The following E2F3 variants were observed in gnomAD, a reference collection of about 807,000 sequenced individuals.
The protein encoded by E2F3 is E2F transcription factor 3, also known as transcription factor E2F3.
In E2F3, 11 loss-of-function variants were observed where a neutral mutation model predicts 44.4. The ratio of observed to expected loss-of-function variants is 0.25; its 90% confidence interval spans 0.16 to 0.41. The LOEUF (loss-of-function observed/expected upper bound fraction) is 0.41. Among genes scored for constraint, E2F3 ranks in the 10% least tolerant of loss-of-function variants. The probability of loss-of-function intolerance (pLI) is 1.00; values close to 1 mark genes in which losing one functional copy is unlikely to be tolerated. For synonymous variants in E2F3, 249 were observed against 253.0 expected (o/e 0.98, Z 0.15); for missense variants, 487 against 583.6 (o/e 0.83, Z 1.70).
intron 1 of E2F3, among the ~76,000 whole-genome samples, chr6:20,437,613 C>CT (rs1760633785): frequency 6.6e-6 from 1 of 151,838 alleles, no homozygotes; most frequent in Non-Finnish European, 1.5e-5. Flanking sequence ...TGGTAAAATG[C>CT]ATTTTAGAAC....
intron 3 of E2F3, among the ~76,000 whole-genome samples, 163 bp from the exon 4 acceptor site, chr6:20,482,599 A>AAAATATAT (rs1177675969): frequency 2.2e-5 from 3 of 134,488 alleles, no homozygotes; most frequent in Non-Finnish European, 4.9e-5. Context: ...TGAAAAAAAA[A>AAAATATAT]ATATATATAT....
intron 1 of E2F3, among the ~76,000 whole-genome samples, chr6:20,468,773 C>G (rs1284006841): frequency 6.6e-6 from 1 of 152,130 alleles, no homozygotes; most frequent in African/African-American, 2.4e-5. Flanking sequence ...CAAAAAGATA[C>G]TTCATCTTCT....
intron 1 of E2F3, among the ~76,000 whole-genome samples, chr6:20,457,322 A>G (rs564284288): frequency 6.8e-6 from 1 of 146,464 alleles, no homozygotes; most frequent in South Asian, 2.2e-4. Flanking sequence ...TTACAAAAGC[A>G]CACCATCATC....
intron 4 of E2F3, among the ~76,000 whole-genome samples, chr6:20,484,977 C>T (rs970677707): frequency 3.7e-4 from 56 of 150,040 alleles, no homozygotes; most frequent in Non-Finnish European, 6.5e-4. Flanking sequence ...AAAGAAGCTA[C>T]TATCGTAAGG....
chr6:20,428,488 G>A (rs1561856116), intron 1 of E2F3, among the ~76,000 whole-genome samples: 1 of 152,172 alleles, frequency 6.6e-6, no homozygotes, highest in East Asian at 1.9e-4. Context: ...CTCCCAAAGT[G>A]CTGGGATTAC....
intron 1 of E2F3, among the ~76,000 whole-genome samples, chr6:20,461,685 T>C (rs1377605126): frequency 2.0e-5 from 3 of 152,220 alleles, no homozygotes; most frequent in Non-Finnish European, 4.4e-5. Context: ...TTTTTGTTTG[T>C]TTTTTACTCA....
intron 4 of E2F3, among the ~76,000 whole-genome samples, chr6:20,485,014 G>GC (rs869133605): frequency 1.3e-5 from 2 of 149,782 alleles, no homozygotes; most frequent in South Asian, 2.1e-4. Flanking sequence ...GGGTCTCTAA[G>GC]CCCCCCCTTT....
chr6:20,402,281 G>C lies in E2F3; in HGVS notation c.49G>C (p.Gly17Arg). ...PALEQYLVTAGGGEGAAVVAA... is the reference protein window; with the variant it reads ...PALEQYLVTARGGEGAAVVAA... The stretch of plus-strand genomic sequence containing the variant: ...TCTGGAGCAGTACCTGGTGACCGCC[G>C]GGGGTGGGGAGGGGGCGGCTGTCGT... The change falls in exon 1 of 7, where the codon GGG becomes CGG. Residue 17 changes from glycine to arginine, a missense_variant. This residue lies in a region of E2F3 where 238 missense variants were observed against 236.0 expected (regional missense o/e 1.01). Transcript: ENST00000346618. The surrounding 1 kb of genome is among the most constrained non-coding windows in gnomAD (Gnocchi z 5.6). The C allele has an allele frequency of 6.2e-7, 1 of 1,608,618 alleles. No individual in the cohort carries two copies. Among genetic ancestry groups the C allele is most frequent in the Non-Finnish European group, 8.5e-7 (1 of 1,178,678 alleles).
intron 1 of E2F3, among the ~76,000 whole-genome samples, chr6:20,436,543 C>A (rs867261960): frequency 6.6e-6 from 1 of 152,022 alleles, no homozygotes; most frequent in Non-Finnish European, 1.5e-5. Context: ...TGTTGGGATG[C>A]ATTCAAAGCT....
At position 20,479,911 on chromosome 6, in the gene E2F3, C is replaced by T. The variant is rs201499717; in HGVS notation, c.459C>T (p.Pro153=). The change falls in exon 2 of 7, where the codon CCC becomes CCT. Residue 153 remains proline (P), a synonymous_variant. Coordinates refer to ENST00000346618, the MANE Select transcript of E2F3 (RefSeq NM_001949.5). The part of the protein sequence containing the change: ...HQYLSDGLKT[P]KGKGRAALRS... ...ACCTCTCAGATGGTTTAAAAACCCC[C>T]AAGGGCAAAGGAAGAGCTGCACTAC... The T allele has an allele frequency of 1.9e-6, 3 of 1,612,870 alleles. No individual in the cohort carries two copies. The highest frequency in any genetic ancestry group is 4.5e-5 in the East Asian group (2 of 44,874).
intron 1 of E2F3, among the ~76,000 whole-genome samples, chr6:20,453,484 G>A (rs1013845365): frequency 7.2e-5 from 11 of 151,990 alleles, no homozygotes; most frequent in African/African-American, 2.4e-4. Context: ...GTGCAGTGAC[G>A]GCTCACTGCA....
intron 1 of E2F3, among the ~76,000 whole-genome samples, chr6:20,429,038 G>A (rs1760309611): frequency 6.6e-6 from 1 of 152,150 alleles, no homozygotes; most frequent in Non-Finnish European, 1.5e-5. Context: ...AACTGGGAGT[G>A]GGAGATGCTA....
At chr6:20,415,549 C>T (rs1443748651) in intron 1 of E2F3, among the ~76,000 whole-genome samples, 1 of 152,112 alleles carries the variant, frequency 6.6e-6, no homozygotes, top group Non-Finnish European at 1.5e-5. Flanking sequence ...CAAATGTCCC[C>T]GGGAAGCAAA....
rs749381101 is a variant in E2F3, at chr6:20,492,202, G to A, written c.*1772G>A. 3 of 229,386 alleles carry A rather than the reference G, an allele frequency of 1.3e-5. No homozygotes were observed. The East Asian group carries it at 1.9e-4, about 14-fold the overall frequency. 14.2% of individuals were successfully genotyped at this position (229,386 alleles called of 1,614,324 possible). On this transcript the variant is annotated 3_prime_UTR_variant, in exon 7 of 7. Transcript: ENST00000346618. ...AAGAGCCCCAGCCAGTTTACTCCAG[G>A]TAGATTTCCACAATATGCAAAGTGG...
intron 4 of E2F3, 71 bp from the exon 5 acceptor site, chr6:20,486,618 C>A (rs1220968420): frequency 2.4e-6 from 2 of 836,990 alleles, no homozygotes; most frequent in African/African-American, 1.7e-5. Flanking sequence ...ATATTCCATG[C>A]ATCTATTTTG....
chr6:20,408,539 A>G (rs1413097335), intron 1 of E2F3, among the ~76,000 whole-genome samples: 3 of 152,218 alleles, frequency 2.0e-5, no homozygotes, highest in African/African-American at 7.2e-5. Flanking sequence ...TTTAAAAAAT[A>G]TAATTTTTGC....
At position 20,420,200 on chromosome 6, in the gene E2F3, G is replaced by A. The variant is rs573495516; in HGVS notation, c.393+17575G>A. 2.6e-5 allele frequency among the ~76,000 whole-genome samples: 4 copies of A among 152,306 alleles called. No individual in the cohort carries two copies. The South Asian group carries it at 8.3e-4, about 32-fold the overall frequency. On this transcript the variant is annotated intron_variant, in intron 1 of 6. Transcript: ENST00000346618. ...TTTTATGTGTCAGGGATAGTTTTAA[G>A]CACGTTATATGAAATCACTAATTTA...
intron 1 of E2F3, among the ~76,000 whole-genome samples, chr6:20,459,659 A>G (rs1021690986): frequency 6.6e-6 from 1 of 152,184 alleles, no homozygotes; most frequent in Non-Finnish European, 1.5e-5. Flanking sequence ...TTTCCTTTTG[A>G]AAATCTGTGA....
intron 1 of E2F3, chr6:20,452,443 A>G (rs987983073): frequency 2.6e-5 from 4 of 151,254 alleles, no homozygotes; most frequent in Non-Finnish European, 4.4e-5. Flanking sequence ...TATTTTTCCA[A>G]TTTTCATATA....
Sources: gnomAD v4.1 joint callset for allele counts (sites outside exome capture counted in the v4.1 genomes callset) on GRCh38, gnomAD v4.1.1 for gene constraint, gnomAD v4.1.1 regional missense constraint, Gnocchi (gnomAD v3.1) non-coding constraint, MANE v1.5 for transcripts, NCBI Gene and HGNC (gene_info 2026-07-23, HGNC 2026-07-21) for gene names.